The following PHF21B variants were observed in gnomAD, a reference collection of about 807,000 sequenced individuals.
The protein encoded by PHF21B is PHD finger protein 21B.
A neutral mutation model predicts 62.2 loss-of-function variants in PHF21B; 22 were observed. The ratio of observed to expected loss-of-function variants is 0.35; its 90% CI spans 0.25 to 0.51. The LOEUF is 0.51. PHF21B is among the 20% of genes least tolerant of loss of function. The probability of loss-of-function intolerance (pLI) is 0.97; values close to 1 mark genes in which losing one functional copy is unlikely to be tolerated. For missense variants in PHF21B, 701 were observed against 707.9 expected, an observed-to-expected ratio of 0.99 and a Z score of 0.11; for synonymous variants, 341 against 314.7, an observed-to-expected ratio of 1.08 and a Z score of -0.88.
intron 9 of PHF21B, among the ~76,000 whole-genome samples, chr22:44,888,663 T>C (rs1380606102): frequency 6.6e-6 from 1 of 152,120 alleles, no homozygotes; most frequent in Non-Finnish European, 1.5e-5. Flanking sequence ...TGCTCCAACT[T>C]CAGAGTTGGA....
At chr22:44,941,975 AGAG>A (rs1170586518) in intron 2 of PHF21B, among the ~76,000 whole-genome samples, 23 of 152,240 alleles carry the variant, frequency 1.5e-4, no homozygotes, top group African/African-American at 5.3e-4. Context: ...GCCACTTCCC[AGAG>A]GAGATGACAA....
intron 12 of PHF21B, among the ~76,000 whole-genome samples, chr22:44,885,013 G>T (rs1353747790): frequency 6.6e-6 from 1 of 152,238 alleles, no homozygotes; most frequent in East Asian, 1.9e-4. Flanking sequence ...CCTGCCAAGG[G>T]GCCTGAGCAG....
intron 9 of PHF21B, among the ~76,000 whole-genome samples, chr22:44,888,541 A>G (rs113170642): frequency 6.6e-6 from 1 of 152,154 alleles, no homozygotes; most frequent in South Asian, 2.1e-4. Context: ...TGATGAATGC[A>G]GCACTCCCTC....
In PHF21B at chr22:45,009,585, G is replaced by C; in HGVS notation, c.-36C>G. The C allele has an allele frequency of 6.5e-7, 1 of 1,531,276 alleles. No homozygotes were observed. The highest frequency in any genetic ancestry group is 8.7e-7 in the Non-Finnish European group (1 of 1,150,980). 94.9% of individuals were successfully genotyped at this position (1,531,276 alleles called of 1,614,324 possible). A position where few individuals can be genotyped will look rare whatever the true frequency, so the allele number is the denominator to read the frequency against. ...TGGGCAGCACTTTGCGCTCACTTTG[G>C]CCCGGGCTCCCGGGAAGTTGCGCGG... On this transcript the variant is annotated 5_prime_UTR_variant, in exon 1 of 13. Transcript: ENST00000313237. The surrounding 1 kb of genome is among the most constrained non-coding windows in gnomAD (Gnocchi z 5.9).
intron 2 of PHF21B, among the ~76,000 whole-genome samples, chr22:44,983,476 G>A (rs1209285041): frequency 6.6e-6 from 1 of 152,264 alleles, no homozygotes; most frequent in Admixed American, 6.5e-5. Flanking sequence ...TGAGGAAACC[G>A]GAACAAAGAC....
chr22:44,883,772 T>A (rs2070779527), intron 12 of PHF21B, among the ~76,000 whole-genome samples: 1 of 151,636 alleles, frequency 6.6e-6, no homozygotes, highest in African/African-American at 2.4e-5. Flanking sequence ...CCCATATCCA[T>A]CTGCTCTGGG....
chr22:44,985,675 G>A (rs1382764714), intron 2 of PHF21B, among the ~76,000 whole-genome samples: 1 of 152,136 alleles, frequency 6.6e-6, no homozygotes, highest in Non-Finnish European at 1.5e-5. Flanking sequence ...TAATATGGGA[G>A]ATAATATTTC....
chr22:44,989,928 G>A (rs1293769688), intron 2 of PHF21B, among the ~76,000 whole-genome samples: 5 of 152,058 alleles, frequency 3.3e-5, no homozygotes, highest in Non-Finnish European at 5.9e-5. Flanking sequence ...CATTTTTAAC[G>A]TCCACGTGTT....
chr22:45,008,226 G>A (rs1354147722), intron 2 of PHF21B: 1 of 233,676 alleles, frequency 4.3e-6, no homozygotes, highest in East Asian at 8.1e-5. Context: ...TCAGCGCAAA[G>A]CGGGGGACTC....
At chr22:44,918,642 G>T (rs1357560453) in intron 3 of PHF21B, among the ~76,000 whole-genome samples, 1 of 152,250 alleles carries the variant, frequency 6.6e-6, no homozygotes, top group Non-Finnish European at 1.5e-5. Flanking sequence ...AGCAGCAGCT[G>T]GTAGCTGGAC....
chr22:45,003,296 C>T (rs561656656), intron 2 of PHF21B: 2 of 152,394 alleles, frequency 1.3e-5, no homozygotes, highest in African/African-American at 4.8e-5. Flanking sequence ...CCTCAGGGAG[C>T]TTACAGTCTA....
rs561249370 is a variant in PHF21B, at chr22:44,959,246, T to C, written c.121-38756A>G. On this transcript the variant is annotated intron_variant, in intron 2 of 12. Transcript: ENST00000313237. The stretch of plus-strand genomic sequence containing the variant: ...GGAGGGCCTGGTGTGTTGGTGATGC[T>C]GAATAACAAATGTCTTCTAGAGAAT... Among the ~76,000 whole-genome samples, 109 of 152,354 alleles carry C rather than the reference T, an allele frequency of 7.2e-4. 3 individuals are homozygous for C. The South Asian group carries it at 0.021, about 30-fold the overall frequency.
At chr22:44,901,216 G>A (rs993943163) in intron 5 of PHF21B, among the ~76,000 whole-genome samples, 1 of 152,158 alleles carries the variant, frequency 6.6e-6, no homozygotes, top group Non-Finnish European at 1.5e-5. Flanking sequence ...CTAACTAACT[G>A]GACAGTGGCA....
intron 8 of PHF21B, 142 bp from the exon 9 acceptor site, chr22:44,889,924 G>C (rs2070931278): frequency 1.2e-6 from 1 of 842,226 alleles, no homozygotes; most frequent in Admixed American, 3.6e-5. Context: ...CATGATACCT[G>C]GGCTCTCACC....
At chr22:44,952,864 G>A (rs1484407863) in intron 2 of PHF21B, among the ~76,000 whole-genome samples, 1 of 152,192 alleles carries the variant, frequency 6.6e-6, no homozygotes, top group Admixed American at 6.5e-5. Context: ...AGAGCTCTCA[G>A]GACAAAAGGC....
intron 2 of PHF21B, among the ~76,000 whole-genome samples, chr22:44,924,583 C>T (rs2071597095): frequency 6.6e-6 from 1 of 152,200 alleles, no homozygotes; most frequent in African/African-American, 2.4e-5. Flanking sequence ...CTTTCTCTCT[C>T]TGCCATGGGC....
At chr22:44,889,238 A>T (rs551346776) in intron 9 of PHF21B, among the ~76,000 whole-genome samples, 1 of 126,048 alleles carries the variant, frequency 7.9e-6, no homozygotes, top group Non-Finnish European at 1.6e-5. Flanking sequence ...TGACCAGCCA[A>T]TGTTCTGGGA....
chr22:44,988,693 G>A (rs2072994262), intron 2 of PHF21B, among the ~76,000 whole-genome samples: 1 of 152,190 alleles, frequency 6.6e-6, no homozygotes, highest in Non-Finnish European at 1.5e-5. Context: ...AATTGAGAAA[G>A]GTCTGCAGAT....
chr22:44,994,071 A>G (rs1248398562), intron 2 of PHF21B, among the ~76,000 whole-genome samples: 2 of 152,190 alleles, frequency 1.3e-5, no homozygotes, highest in Admixed American at 6.5e-5. Context: ...CAGGGAGCAG[A>G]CCCACATACT....
Sources: allele counts gnomAD v4.1 joint callset (sites outside exome capture counted in the v4.1 genomes callset), GRCh38; gene constraint gnomAD v4.1.1; non-coding constraint Gnocchi (gnomAD v3.1); transcripts MANE v1.5; gene names NCBI Gene and HGNC (gene_info 2026-07-23, HGNC 2026-07-21).